The following ABCC4 variants were observed in gnomAD, a reference collection of about 807,000 sequenced individuals.
ABCC4 encodes the protein ATP binding cassette subfamily C member 4 (PEL blood group), also known as ATP-binding cassette sub-family C member 4.
ABCC4 carries 102 observed loss-of-function variants against 168.5 expected under a neutral mutation model. The ratio of observed to expected loss-of-function variants is 0.61; its 90% CI spans 0.52 to 0.71. The LOEUF is 0.71. Among genes scored for constraint, ABCC4 ranks in the 30% least tolerant of loss-of-function variants. The pLI is 0.00. For synonymous variants in ABCC4, 617 were observed against 590.7 expected (o/e 1.04, Z -0.65); for missense variants, 1,402 against 1,605.8 (o/e 0.87, Z 2.17).
intron 1 of ABCC4, among the ~76,000 whole-genome samples, chr13:95,259,583 T>C (rs1293939994): frequency 6.6e-6 from 1 of 152,114 alleles, no homozygotes; most frequent in Admixed American, 6.6e-5. Flanking sequence ...ACTAAAATTA[T>C]CTGAGGCATT....
chr13:95,274,798 C>T (rs7337228), intron 1 of ABCC4, among the ~76,000 whole-genome samples: 14,184 of 152,266 alleles, frequency 0.093, 1,539 homozygotes, highest in African/African-American at 0.27. Flanking sequence ...TAGAATAAGC[C>T]AGGCATGGTG....
intron 3 of ABCC4, among the ~76,000 whole-genome samples, chr13:95,238,439 AG>A (rs1165268026): frequency 2.0e-5 from 3 of 152,120 alleles, no homozygotes; most frequent in Admixed American, 6.6e-5. Context: ...TGATCAGGGT[AG>A]GGCCTGAGTT....
chr13:95,264,334 T>C (rs183239043), intron 1 of ABCC4, among the ~76,000 whole-genome samples: 1 of 152,266 alleles, frequency 6.6e-6, no homozygotes, highest in Admixed American at 6.5e-5. Flanking sequence ...GGGTAAAAGT[T>C]TCATGAGAAG....
chr13:95,166,563 G>A (rs1052662444), intron 14 of ABCC4, among the ~76,000 whole-genome samples, 196 bp from the exon 15 acceptor site: 26 of 152,138 alleles, frequency 1.7e-4, no homozygotes, highest in Non-Finnish European at 3.1e-4. Context: ...TCTGTGTTAG[G>A]TCCTGAAGAA....
At chr13:95,241,019 T>C (rs1395976936) in intron 3 of ABCC4, among the ~76,000 whole-genome samples, 1 of 151,348 alleles carries the variant, frequency 6.6e-6, no homozygotes, top group Non-Finnish European at 1.5e-5. Context: ...GGCTTGGCCT[T>C]GGCCCTCATG....
At chr13:95,225,136 GTCTGTCTC>G (rs1488871100) in intron 4 of ABCC4, among the ~76,000 whole-genome samples, 1 of 62,504 alleles carries the variant, frequency 1.6e-5, no homozygotes, top group African/African-American at 5.5e-5. Context: ...CTGTCTGTCT[GTCTGTCTC>G]TCTCTCTCTC....
intron 4 of ABCC4, among the ~76,000 whole-genome samples, chr13:95,218,095 A>G (rs2039175649): frequency 6.6e-6 from 1 of 152,210 alleles, no homozygotes; most frequent in South Asian, 2.1e-4. Context: ...TGTTTTGCTT[A>G]CTTCCTGGTT....
At chr13:95,188,325 G>T in intron 10 of ABCC4, 128 bp downstream of exon 10, 2 of 813,656 alleles carry the variant, frequency 2.5e-6, no homozygotes, top group Non-Finnish European at 4.3e-6. Context: ...AATGTTCCAT[G>T]CACTGAGAAA....
chr13:95,295,828 A>G (rs932487941), intron 1 of ABCC4, among the ~76,000 whole-genome samples: 3 of 150,390 alleles, frequency 2.0e-5, no homozygotes, highest in Non-Finnish European at 4.4e-5. Flanking sequence ...TTAGTTGGGC[A>G]TAGTGGCAGG....
At chr13:95,226,466 T>C (rs1485021282) in intron 4 of ABCC4, among the ~76,000 whole-genome samples, 1 of 152,134 alleles carries the variant, frequency 6.6e-6, no homozygotes. Context: ...CACACATAAA[T>C]GGCCATCTAA....
chr13:95,066,716 G>A (rs1335846944), intron 25 of ABCC4, among the ~76,000 whole-genome samples: 1 of 152,236 alleles, frequency 6.6e-6, no homozygotes, highest in Non-Finnish European at 1.5e-5. Flanking sequence ...CCTAAGTGAT[G>A]GAATGGGACG....
chr13:95,283,884 G>C (rs1448763247), intron 1 of ABCC4, among the ~76,000 whole-genome samples: 1 of 143,950 alleles, frequency 6.9e-6, no homozygotes, highest in African/African-American at 2.6e-5. Flanking sequence ...GGCAACAAGA[G>C]CGAAACTCCG....
intron 4 of ABCC4, among the ~76,000 whole-genome samples, chr13:95,226,180 A>C (rs1307031109): frequency 6.7e-6 from 1 of 149,624 alleles, no homozygotes; most frequent in African/African-American, 2.5e-5. Context: ...GAATTCTAAG[A>C]CCATGTCTTA....
At chr13:95,274,861 G>A (rs2040935013) in intron 1 of ABCC4, among the ~76,000 whole-genome samples, 1 of 152,158 alleles carries the variant, frequency 6.6e-6, no homozygotes, top group Non-Finnish European at 1.5e-5. Flanking sequence ...CGGATCACTT[G>A]ACGTCAGGAG....
At chr13:95,021,958 AG>A (rs1209760279) in intron 30 of ABCC4, among the ~76,000 whole-genome samples, 1 of 152,196 alleles carries the variant, frequency 6.6e-6, no homozygotes, top group African/African-American at 2.4e-5. Flanking sequence ...TAAATTGATA[AG>A]CGGAATCATT....
rs770607763 is a variant in ABCC4 at position 95,071,689 on chromosome 13, C to G, written c.3183G>C (p.Leu1061=). 6.6e-7 allele frequency: 1 copy of G among 1,507,868 alleles called. No homozygotes were observed. Among genetic ancestry groups the G allele is most frequent in the Non-Finnish European group, 8.8e-7 (1 of 1,130,272 alleles). 93.4% of individuals were successfully genotyped at this position (1,507,868 alleles called of 1,614,324 possible). Residue 1061 remains leucine, a synonymous_variant, in exon 25 of 31, where the codon CTG becomes CTC. Transcript: ENST00000645237. ...SPGGPLVLKH[L]TALIKSQEKV... The stretch of plus-strand genomic sequence containing the variant: ...TTTCTTGTGATTTAATGAGTGCTGT[C>G]AGATGCTTCAGTACCAGAGGCCCAC...
rs537673628 is a variant in ABCC4, at chr13:95,133,259, G to A, written c.2456-17258C>T. Among the ~76,000 whole-genome samples, 130 of 151,344 alleles carry A rather than the reference G, an allele frequency of 8.6e-4. 1 individual carries two copies. The highest frequency in any genetic ancestry group is 2.9e-3 in the African/African-American group (119 of 41,222). ...CTCCCGAGTAGCTGGGATTACAGGC[G>A]TGCACCACCACACCTGGCTAATTTT... On this transcript the variant is annotated intron_variant, in intron 19 of 30. Coordinates refer to ENST00000645237, the MANE Select transcript of ABCC4 (RefSeq NM_005845.5).
At chr13:95,291,949 A>AAAT (rs142861031) in intron 1 of ABCC4, among the ~76,000 whole-genome samples, 2 of 151,810 alleles carry the variant, frequency 1.3e-5, no homozygotes, top group Admixed American at 1.3e-4. Flanking sequence ...CCATTTAAAG[A>AAAT]AATAATAATA....
chr13:95,257,612 A>G lies in ABCC4; in HGVS notation c.75-9859T>C, dbSNP rs566681076. ...CAGGAGGCAGAGGTTGCAGTGAGCC[A>G]AGATCATGCCATTGCACTCCTGCCT... On this transcript the variant is annotated intron_variant, in intron 1 of 30. Coordinates refer to ENST00000645237, the MANE Select transcript of ABCC4 (RefSeq NM_005845.5). Among the ~76,000 whole-genome samples, 4 of 151,954 alleles carry G rather than the reference A, an allele frequency of 2.6e-5. No homozygotes were observed. In the East Asian group the frequency reaches 5.8e-4, roughly 22 times the overall value.
Sources: gnomAD v4.1 joint callset for allele counts (sites outside exome capture counted in the v4.1 genomes callset) on GRCh38, gnomAD v4.1.1 for gene constraint, MANE v1.5 for transcripts, NCBI Gene and HGNC (gene_info 2026-07-23, HGNC 2026-07-21) for gene names.